Variants in CTNNA2 observed in about 807,000 individuals in gnomAD.
The protein encoded by CTNNA2 is catenin alpha 2.
In CTNNA2, 42 loss-of-function variants were observed where a neutral mutation model predicts 101.0. The observed-to-expected ratio is 0.42, with a 90% CI of 0.32 to 0.54. The LOEUF (loss-of-function observed/expected upper bound fraction) is 0.54, where lower values mean the gene tolerates loss of function less well. Among genes scored for constraint, CTNNA2 ranks in the 20% least tolerant of loss-of-function variants. The pLI is 0.14. For missense variants in CTNNA2, 871 were observed against 1,223.1 expected, an observed-to-expected ratio of 0.71 and a Z score of 4.29; for synonymous variants, 450 against 456.4, an observed-to-expected ratio of 0.99 and a Z score of 0.18.
chr2:79,286,183 A>C (rs180873681), intron 2 of CTNNA2, among the ~76,000 whole-genome samples: 1 of 152,232 alleles, frequency 6.6e-6, no homozygotes, highest in African/African-American at 2.4e-5. Flanking sequence ...GATACAGCAC[A>C]CTGATGGGTC....
At chr2:80,096,815 A>G (rs1320940687) in intron 7 of CTNNA2, among the ~76,000 whole-genome samples, 2 of 152,130 alleles carry the variant, frequency 1.3e-5, no homozygotes, top group East Asian at 1.9e-4. Flanking sequence ...TTTATCAGAG[A>G]CTAGGATTGC....
intron 9 of CTNNA2, among the ~76,000 whole-genome samples, chr2:80,505,997 T>A (rs1369596976): frequency 6.6e-6 from 1 of 152,200 alleles, no homozygotes; most frequent in Non-Finnish European, 1.5e-5. Flanking sequence ...TTACTAGATG[T>A]CACGTATTCC....
chr2:79,703,815 T>C (rs1408413717), intron 2 of CTNNA2, among the ~76,000 whole-genome samples: 1 of 152,196 alleles, frequency 6.6e-6, no homozygotes, highest in Non-Finnish European at 1.5e-5. Flanking sequence ...ACTTTTAACA[T>C]GCAGTCCAGA....
intron 12 of CTNNA2, among the ~76,000 whole-genome samples, chr2:80,573,745 C>G (rs997408552): frequency 6.6e-6 from 1 of 152,126 alleles, no homozygotes; most frequent in Non-Finnish European, 1.5e-5. Context: ...CCCACTGAAT[C>G]ACGAAGTAGA....
chr2:79,959,561 G>A (rs549391864), intron 7 of CTNNA2, among the ~76,000 whole-genome samples: 164 of 152,152 alleles, frequency 1.1e-3, no homozygotes, highest in African/African-American at 3.5e-3. Context: ...CCTGGAAGGC[G>A]CAATCCTTTG....
In CTNNA2 at chr2:79,872,423, T is replaced by C. The variant is rs192639224; in HGVS notation, c.586-1653T>C. On this transcript the variant is annotated intron_variant, in intron 5 of 18. Transcript: ENST00000402739. ...TATAGATACCCAGGAATGGAATTTC[T>C]GGACCAGATGTTCTGACATTAATAA... 8.2e-3 allele frequency among the ~76,000 whole-genome samples: 1,247 copies of C among 152,346 alleles called. 6 individuals carry two copies. Among genetic ancestry groups the C allele is most frequent in the Non-Finnish European group, 0.014 (928 of 68,028 alleles).
chr2:79,672,435 T>C (rs2104590718), intron 2 of CTNNA2, among the ~76,000 whole-genome samples: 1 of 152,216 alleles, frequency 6.6e-6, no homozygotes, highest in Non-Finnish European at 1.5e-5. Flanking sequence ...TTTTTTGTAA[T>C]CGGTTCTAAG....
At chr2:79,563,161 G>GTATATATATATATATATATATA (rs71385287) in intron 1 of CTNNA2, among the ~76,000 whole-genome samples, 4 of 78,620 alleles carry the variant, frequency 5.1e-5, no homozygotes, top group African/African-American at 1.9e-4. Flanking sequence ...ATAAAGATGT[G>GTATATATATATATATATATATA]TATATATATA....
At chr2:80,091,882 A>G (rs899830563) in intron 7 of CTNNA2, among the ~76,000 whole-genome samples, 1 of 152,156 alleles carries the variant, frequency 6.6e-6, no homozygotes, top group East Asian at 1.9e-4. Flanking sequence ...TCTGTGAAAC[A>G]GGATCCTCTG....
chr2:79,440,397 G>A (rs1678764643), intron 4 of CTNNA2, among the ~76,000 whole-genome samples: 1 of 152,156 alleles, frequency 6.6e-6, no homozygotes, highest in South Asian at 2.1e-4. Flanking sequence ...GGCCATTGCT[G>A]TGTGGTGATT....
chr2:80,098,725 C>G (rs1700342645), intron 7 of CTNNA2, among the ~76,000 whole-genome samples: 1 of 152,182 alleles, frequency 6.6e-6, no homozygotes, highest in Non-Finnish European at 1.5e-5. Context: ...CTCCCCCAGC[C>G]TCGCTGCTGC....
chr2:80,561,458 T>A (rs1186578771), intron 12 of CTNNA2, among the ~76,000 whole-genome samples: 1 of 152,210 alleles, frequency 6.6e-6, no homozygotes, highest in Non-Finnish European at 1.5e-5. Flanking sequence ...ATGCAAGGTT[T>A]TGGGGCTCAG....
rs749728015 is a variant in CTNNA2, at chr2:80,302,998, A to G, written c.1057-90213A>G. On this transcript the variant is annotated intron_variant, in intron 7 of 18. Coordinates refer to ENST00000402739, the MANE Select transcript of CTNNA2 (RefSeq NM_001282597.3). The surrounding 1 kb of genome is among the most constrained non-coding windows in gnomAD (Gnocchi z 6.4). ...GCAGGTGCGGCACGGTCTCGAACACATGGGGCTCCATGTACTCGATCTCGT... is the reference window on the plus strand; with the variant it reads ...GCAGGTGCGGCACGGTCTCGAACACGTGGGGCTCCATGTACTCGATCTCGT... The G allele has an allele frequency of 6.8e-6, 11 of 1,612,554 alleles. No homozygotes were observed. Among genetic ancestry groups the G allele is most frequent in the Admixed American group, 3.4e-5 (2 of 59,652 alleles).
intron 8 of CTNNA2, among the ~76,000 whole-genome samples, chr2:80,406,421 A>C (rs1019233684): frequency 1.6e-4 from 24 of 152,020 alleles, no homozygotes; most frequent in Non-Finnish European, 1.5e-5. Flanking sequence ...AGGGGCAGGG[A>C]GAAGTCAGCA....
chr2:80,604,316 A>G (rs1445724778), intron 16 of CTNNA2, 137 bp downstream of exon 16: 14 of 681,520 alleles, frequency 2.1e-5, no homozygotes, highest in Non-Finnish European at 3.6e-5. Flanking sequence ...TATTTTACAC[A>G]CTGGTATCTG....
At chr2:79,978,013 C>T (rs183585079) in intron 7 of CTNNA2, among the ~76,000 whole-genome samples, 48 of 152,284 alleles carry the variant, frequency 3.2e-4, no homozygotes, top group Admixed American at 2.9e-3. Flanking sequence ...GGTGGTGACT[C>T]AGGCCTCAAA....
intron 4 of CTNNA2, among the ~76,000 whole-genome samples, chr2:79,464,112 C>T (rs1423060178): frequency 2.0e-5 from 3 of 151,872 alleles, no homozygotes; most frequent in Non-Finnish European, 4.4e-5. Flanking sequence ...TAAGGTATAT[C>T]TCCTAATGCT....
At chr2:80,586,407 C>G (rs1010432125) in intron 14 of CTNNA2, 5 of 152,104 alleles carry the variant, frequency 3.3e-5, no homozygotes, top group African/African-American at 1.2e-4. Flanking sequence ...TTTACGGATT[C>G]TTTTTCAGAG....
At chr2:80,215,961 G>A (rs759904057) in intron 7 of CTNNA2, among the ~76,000 whole-genome samples, 4 of 152,140 alleles carry the variant, frequency 2.6e-5, no homozygotes, top group Non-Finnish European at 4.4e-5. Context: ...CTCAGCAATG[G>A]CAGACACCCC....
Sources: gnomAD v4.1 joint callset for allele counts (sites outside exome capture counted in the v4.1 genomes callset) on GRCh38, gnomAD v4.1.1 for gene constraint, Gnocchi (gnomAD v3.1) non-coding constraint, MANE v1.5 for transcripts, NCBI Gene and HGNC (gene_info 2026-07-23, HGNC 2026-07-21) for gene names.